The following SEL1L2 variants were observed in gnomAD, a reference collection of about 807,000 sequenced individuals.
SEL1L2 encodes protein sel-1 homolog 2.
Under a neutral mutation model 98.8 loss-of-function variants are expected in SEL1L2, and 89 were observed. The ratio of observed to expected loss-of-function variants is 0.90; its 90% CI spans 0.76 to 1.07. The LOEUF is 1.07. SEL1L2 is among the 50% of genes least tolerant of loss of function. The pLI, the probability that SEL1L2 is intolerant of heterozygous loss-of-function variation, is 0.00. For missense variants in SEL1L2, 788 were observed against 812.0 expected (o/e 0.97, Z 0.36); for synonymous variants, 262 against 278.5 (o/e 0.94, Z 0.59).
At chr20:13,888,827 T>TTC (rs1568906635) in intron 5 of SEL1L2, among the ~76,000 whole-genome samples, 3 of 150,376 alleles carry the variant, frequency 2.0e-5, no homozygotes, top group Non-Finnish European at 3.0e-5. Context: ...TTTGTATTTT[T>TTC]AGTAGAGATG....
rs1353118980 is a variant in SEL1L2, at chr20:13,893,158, T to G, written c.550-4646A>C. On this transcript the variant is annotated intron_variant, in intron 5 of 19. Transcript: ENST00000284951. The stretch of plus-strand genomic sequence containing the variant: ...AAGACTCTGTTCCCCACTCCCCTGA[T>G]TCCCCTCCCCTGCCCTGTGTTTTTG... Among the ~76,000 whole-genome samples the G allele has an allele frequency of 2.6e-5, 4 of 152,276 alleles. 1 individual carries two copies. Among genetic ancestry groups the G allele is most frequent in the Middle Eastern group, 3.4e-3 (1 of 294 alleles).
At chr20:13,903,798 A>T (rs1383609364) in intron 5 of SEL1L2, among the ~76,000 whole-genome samples, 1 of 152,076 alleles carries the variant, frequency 6.6e-6, no homozygotes, top group African/African-American at 2.4e-5. Context: ...CTGGGCAAAA[A>T]AGTGAGACTC....
At chr20:13,986,703 C>G (rs2052202253) in intron 1 of SEL1L2, among the ~76,000 whole-genome samples, 1 of 152,160 alleles carries the variant, frequency 6.6e-6, no homozygotes, top group South Asian at 2.1e-4. Context: ...ATGAATAATG[C>G]TTCTATAAAT....
rs559244856 is a variant in SEL1L2, at chr20:13,986,369, T to C, written c.58+4108A>G. Among the ~76,000 whole-genome samples the C allele has an allele frequency of 5.9e-5, 9 of 152,280 alleles. No individual in the cohort carries two copies. The South Asian group carries it at 1.9e-3, about 32-fold the overall frequency. On this transcript the variant is annotated intron_variant, in intron 1 of 19. Coordinates refer to ENST00000284951, the MANE Select transcript of SEL1L2 (RefSeq NM_025229.2). ...TTTCAAAACTTCATCATCCCGGAAG[T>C]ACACTCTGTACCCATTAAGCAGTCA...
chr20:13,894,538 C>T (rs1167520635), intron 5 of SEL1L2, among the ~76,000 whole-genome samples: 4 of 152,124 alleles, frequency 2.6e-5, no homozygotes, highest in African/African-American at 9.7e-5. Flanking sequence ...CCAGCCTGGG[C>T]AACAGAGCAA....
chr20:13,973,592 G>C (rs1752459771), intron 1 of SEL1L2, among the ~76,000 whole-genome samples: 1 of 152,202 alleles, frequency 6.6e-6, no homozygotes, highest in African/African-American at 2.4e-5. Flanking sequence ...CTAGCCATTT[G>C]CAGTAGCATC....
chr20:13,866,926 A>G, intron 14 of SEL1L2, 76 bp from the exon 15 acceptor site: 1 of 1,329,754 alleles, frequency 7.5e-7, no homozygotes. Context: ...TATAATAGTC[A>G]TAGTGATGCC....
chr20:13,863,799 G>A (rs187251047), intron 17 of SEL1L2, among the ~76,000 whole-genome samples: 4 of 151,920 alleles, frequency 2.6e-5, no homozygotes, highest in East Asian at 1.9e-4. Context: ...GTGAAATCCC[G>A]TCTCTACTAA....
intron 3 of SEL1L2, among the ~76,000 whole-genome samples, chr20:13,924,858 G>T (rs2048813907): frequency 6.6e-6 from 1 of 152,002 alleles, no homozygotes; most frequent in Admixed American, 6.6e-5. Context: ...TGAGGTGCTG[G>T]CCAGGCACGG....
chr20:13,854,877 C>A (rs111847901), intron 18 of SEL1L2, among the ~76,000 whole-genome samples: 13 of 151,932 alleles, frequency 8.6e-5, no homozygotes, highest in African/African-American at 2.7e-4. Flanking sequence ...CATGGTGAAA[C>A]CCCATCTCTA....
intron 18 of SEL1L2, among the ~76,000 whole-genome samples, chr20:13,854,444 C>T (rs1238588696): frequency 6.6e-6 from 1 of 152,176 alleles, no homozygotes; most frequent in Non-Finnish European, 1.5e-5. Context: ...GCTGATTCCC[C>T]TACCTGAGTT....
At chr20:13,967,454 G>A (rs139168043) in intron 1 of SEL1L2, among the ~76,000 whole-genome samples, 1 of 152,194 alleles carries the variant, frequency 6.6e-6, no homozygotes, top group South Asian at 2.1e-4. Flanking sequence ...TATTTAAAAG[G>A]CACAGATACA....
intron 18 of SEL1L2, among the ~76,000 whole-genome samples, chr20:13,854,397 C>T (rs1988805274): frequency 6.6e-6 from 1 of 152,184 alleles, no homozygotes; most frequent in Non-Finnish European, 1.5e-5. Context: ...TCTCGTACTC[C>T]ATGGTACAAA....
chr20:13,870,047 T>A (rs1047361130), intron 13 of SEL1L2, 94 bp downstream of exon 13: 5 of 877,910 alleles, frequency 5.7e-6, no homozygotes, highest in African/African-American at 1.7e-5. Context: ...GCAAACCAGA[T>A]AATAGAGATA....
intron 4 of SEL1L2, among the ~76,000 whole-genome samples, chr20:13,914,783 G>A (rs1425912934): frequency 6.6e-6 from 1 of 152,088 alleles, no homozygotes; most frequent in African/African-American, 2.4e-5. Context: ...TTTATAGCAT[G>A]GTAATTGTTC....
rs559944282 is a variant in SEL1L2 at position 13,919,704 on chromosome 20, G to A, written c.284-581C>T. ...GAGGCCGAGGTGGGTGGATCATGAA[G>A]TAAGGAGTTCAAGACCAGCCAGACC... On this transcript the variant is annotated intron_variant, in intron 3 of 19. Coordinates refer to ENST00000284951, the MANE Select transcript of SEL1L2 (RefSeq NM_025229.2). Among the ~76,000 whole-genome samples the A allele has an allele frequency of 6.6e-5, 10 of 152,106 alleles. No homozygotes were observed. The East Asian group carries it at 1.9e-3, about 30-fold the overall frequency.
chr20:13,961,633 A>T (rs1481918633), intron 1 of SEL1L2, among the ~76,000 whole-genome samples: 1 of 152,236 alleles, frequency 6.6e-6, no homozygotes, highest in Non-Finnish European at 1.5e-5. Flanking sequence ...TAGGAATAGG[A>T]GACAGCATGA....
chr20:13,954,811 G>T (rs1272801745), intron 2 of SEL1L2, among the ~76,000 whole-genome samples: 1 of 152,146 alleles, frequency 6.6e-6, no homozygotes, highest in African/African-American at 2.4e-5. Flanking sequence ...ACAAGAGAAA[G>T]CAAGATGACC....
chr20:13,914,453 C>T (rs1380062648), intron 4 of SEL1L2, among the ~76,000 whole-genome samples: 1 of 152,180 alleles, frequency 6.6e-6, no homozygotes, highest in African/African-American at 2.4e-5. Flanking sequence ...AGAATATATT[C>T]TTCAACACAG....
Sources: gnomAD v4.1 joint callset for allele counts (sites outside exome capture counted in the v4.1 genomes callset) on GRCh38, gnomAD v4.1.1 for gene constraint, MANE v1.5 for transcripts, NCBI Gene and HGNC (gene_info 2026-07-23, HGNC 2026-07-21) for gene names.